Variants in HYAL4 observed in about 807,000 individuals in gnomAD.
The protein encoded by HYAL4 is hyaluronidase 4.
Under a neutral mutation model 35.2 loss-of-function variants are expected in HYAL4, and 37 were observed. The ratio of observed to expected loss-of-function variants is 1.05; its 90% CI spans 0.81 to 1.38. The LOEUF is 1.38. HYAL4 is among the 40% of genes most tolerant of loss of function. The pLI is 0.00. For synonymous variants in HYAL4, 198 were observed against 203.2 expected, an observed-to-expected ratio of 0.97 and a Z score of 0.22; for missense variants, 572 against 572.4, an observed-to-expected ratio of 1.00 and a Z score of 0.01.
Position 123,869,007 on chromosome 7 carries a change from A to G in HYAL4, c.734A>G (p.Asn245Ser), listed in dbSNP as rs752995182. The change falls in exon 3 of 5, where the codon AAC (asparagine) becomes AGC (serine). Residue 245 changes from asparagine (N) to serine (S), a missense_variant. By Grantham distance (46) the Asn-to-Ser change is conservative (BLOSUM62 1). Coordinates refer to ENST00000223026, the MANE Select transcript of HYAL4 (RefSeq NM_012269.3). ...GSCPEDEVLR[N>S]NELSWLWNSS... The stretch of plus-strand genomic sequence containing the variant: ...TGCCCAGAAGACGAAGTCTTGAGGA[A>G]CAATGAGCTCTCTTGGCTCTGGAAC... 6.2e-7 allele frequency: 1 copy of G among 1,613,984 alleles called. No individual in the cohort carries two copies. The highest frequency in any genetic ancestry group is 2.2e-5 in the East Asian group (1 of 44,888).
the HYAL4 span, among the ~76,000 whole-genome samples, chr7:123,771,052 G>GT: frequency 6.6e-6 from 1 of 152,036 alleles, no homozygotes; most frequent in Non-Finnish European, 1.5e-5. Flanking sequence ...GAAGAGATAG[G>GT]TTTTAGAAGA....
At chr7:123,847,048 A>C (rs1806189248) in intron 1 of HYAL4, among the ~76,000 whole-genome samples, 1 of 152,138 alleles carries the variant, frequency 6.6e-6, no homozygotes, top group East Asian at 1.9e-4. Flanking sequence ...GAGTGCTCTC[A>C]GCTTTCCTGG....
chr7:123,792,905 A>G, the HYAL4 span, among the ~76,000 whole-genome samples: 1 of 152,204 alleles, frequency 6.6e-6, no homozygotes, highest in Non-Finnish European at 1.5e-5. Flanking sequence ...ACATTCAGGC[A>G]GGCTACCAGT....
chr7:123,769,370 C>A, the HYAL4 span, among the ~76,000 whole-genome samples: 1 of 151,966 alleles, frequency 6.6e-6, no homozygotes, highest in Admixed American at 6.5e-5. Flanking sequence ...GGGACCTGTA[C>A]CTGTTAGAGA....
At chr7:123,875,888 A>G (rs1054170274) in intron 4 of HYAL4, 2 of 378,594 alleles carry the variant, frequency 5.3e-6, no homozygotes, top group South Asian at 2.0e-5. Flanking sequence ...TTGCAAGTCC[A>G]TGATGATCTG....
upstream of HYAL4, among the ~76,000 whole-genome samples, chr7:123,840,715 T>C (rs1451881545): frequency 2.0e-5 from 3 of 152,116 alleles, no homozygotes; most frequent in East Asian, 5.8e-4. Context: ...CCCTTGTAAA[T>C]TGGATTCCTA....
At chr7:123,825,500 G>T (rs1805792428), upstream of HYAL4, among the ~76,000 whole-genome samples, 1 of 152,080 alleles carries the variant, frequency 6.6e-6, no homozygotes, top group Non-Finnish European at 1.5e-5. Context: ...GGGTTATAAA[G>T]AATCTGGCTT....
intron 4 of HYAL4, 42 bp downstream of exon 4, chr7:123,874,892 A>G (rs762564004): frequency 1.7e-6 from 2 of 1,143,390 alleles, no homozygotes; most frequent in Admixed American, 3.4e-5. Context: ...TTTTCTATTA[A>G]AAGTATTTCT....
chr7:123,765,332 T>A, the HYAL4 span, among the ~76,000 whole-genome samples: 1 of 152,154 alleles, frequency 6.6e-6, no homozygotes, highest in Non-Finnish European at 1.5e-5. Context: ...TTTGTGTCAG[T>A]GTAGGTAAGG....
upstream of HYAL4, among the ~76,000 whole-genome samples, chr7:123,842,426 C>T (rs962112872): frequency 6.6e-6 from 1 of 151,892 alleles, no homozygotes; most frequent in African/African-American, 2.4e-5. Flanking sequence ...ATTATGTGGT[C>T]AATTTTAGAA....
upstream of HYAL4, among the ~76,000 whole-genome samples, chr7:123,841,216 G>A (rs192530692): frequency 2.3e-3 from 343 of 151,932 alleles, 2 homozygotes; most frequent in African/African-American, 7.6e-3. Context: ...GAATTTTGTC[G>A]AAGGCCTTTT....
At chr7:123,777,546 C>T in the HYAL4 span, among the ~76,000 whole-genome samples, 524 of 152,222 alleles carry the variant, frequency 3.4e-3, 3 homozygotes, top group African/African-American at 0.012. Flanking sequence ...TTAATTCACA[C>T]GTGCAAAAAG....
chr7:123,845,838 G>T (rs1395511863), intron 1 of HYAL4, among the ~76,000 whole-genome samples, 153 bp downstream of exon 1: 7 of 152,154 alleles, frequency 4.6e-5, no homozygotes, highest in South Asian at 2.1e-4. Flanking sequence ...TGACCCACGG[G>T]GTGTTCTCTT....
chr7:123,860,309 G>A (rs933137571), intron 2 of HYAL4, among the ~76,000 whole-genome samples: 1 of 152,142 alleles, frequency 6.6e-6, no homozygotes, highest in Non-Finnish European at 1.5e-5. Flanking sequence ...ATAGCAGTGT[G>A]AGAACAGACT....
chr7:123,875,681 A>G (rs1309693665), intron 4 of HYAL4, among the ~76,000 whole-genome samples: 2 of 151,754 alleles, frequency 1.3e-5, no homozygotes, highest in Non-Finnish European at 2.9e-5. Flanking sequence ...AAGAAAAAAA[A>G]AAGATTTATA....
At chr7:123,799,274 C>G in the HYAL4 span, among the ~76,000 whole-genome samples, 1 of 151,858 alleles carries the variant, frequency 6.6e-6, no homozygotes, top group Non-Finnish European at 1.5e-5. Flanking sequence ...CTTTAATTTT[C>G]TGGTTAAAAT....
At chr7:123,831,514 T>A (rs1805882299) in intron 1 of HYAL4, among the ~76,000 whole-genome samples, 1 of 152,218 alleles carries the variant, frequency 6.6e-6, no homozygotes, top group Non-Finnish European at 1.5e-5. Context: ...ACTTCTTAAA[T>A]CTCTCTGAGG....
chr7:123,869,689 T>TTG (rs757956075), intron 3 of HYAL4, among the ~76,000 whole-genome samples: 188 of 147,146 alleles, frequency 1.3e-3, no homozygotes, highest in Non-Finnish European at 2.3e-3. Flanking sequence ...TTGTTTTGTT[T>TTG]TTTTTTTTTC....
chr7:123,858,436 G>A (rs1806505944), intron 2 of HYAL4, among the ~76,000 whole-genome samples: 1 of 152,072 alleles, frequency 6.6e-6, no homozygotes, highest in Non-Finnish European at 1.5e-5. Flanking sequence ...CAAATATGTG[G>A]TAGTCAGCAC....
Sources: gnomAD v4.1 joint callset for allele counts (sites outside exome capture counted in the v4.1 genomes callset) on GRCh38, gnomAD v4.1.1 for gene constraint, MANE v1.5 for transcripts, NCBI Gene and HGNC (gene_info 2026-07-23, HGNC 2026-07-21) for gene names.